MRRF: variants seen among roughly 807,000 people sequenced by gnomAD.
MRRF encodes ribosome-recycling factor, mitochondrial.
Under a neutral mutation model 25.1 loss-of-function variants are expected in MRRF, and 18 were observed. The observed-to-expected ratio is 0.72, with a 90% confidence interval of 0.50 to 1.06. The LOEUF (loss-of-function observed/expected upper bound fraction) is 1.06. Among genes scored for constraint, MRRF ranks in the 50% least tolerant of loss-of-function variants. The probability of loss-of-function intolerance (pLI) is 0.00; values close to 1 mark genes in which losing one functional copy is unlikely to be tolerated. For missense variants in MRRF, 323 were observed against 319.3 expected, an observed-to-expected ratio of 1.01 and a Z score of -0.09; for synonymous variants, 113 against 112.1, an observed-to-expected ratio of 1.01 and a Z score of -0.05.
In MRRF at chr9:122,285,204, G is replaced by A. The variant is rs759733553; in HGVS notation, c.376G>A (p.Gly126Arg). The A allele has an allele frequency of 6.8e-6, 11 of 1,613,750 alleles. No homozygotes were observed. Among genetic ancestry groups the A allele is most frequent in the Non-Finnish European group, 4.2e-6 (5 of 1,179,812 alleles). ...CAAGATTGCTGTGGTAACTGCTGAC[G>A]GGAAGCTTGCTTTAAACCAGATTAG... ...LDKIAVVTAD[G>R]KLALNQISQI... The change falls in exon 4 of 7, where the codon GGG becomes AGG. Residue 126 changes from glycine (G) to arginine (R), a missense_variant. Gly to Arg is a moderately radical substitution (Grantham distance 125). Coordinates refer to ENST00000344641, the MANE Select transcript of MRRF (RefSeq NM_138777.5).
At chr9:122,282,301 T>C (rs1368123329) in intron 3 of MRRF, among the ~76,000 whole-genome samples, 1 of 152,276 alleles carries the variant, frequency 6.6e-6, no homozygotes, top group African/African-American at 2.4e-5. Flanking sequence ...TATTTGTTTA[T>C]TCATTGTTGT....
chr9:122,289,133 T>G (rs531721045), intron 4 of MRRF, among the ~76,000 whole-genome samples: 1 of 152,350 alleles, frequency 6.6e-6, no homozygotes, highest in Non-Finnish European at 1.5e-5. Context: ...CATGTAGAAT[T>G]CAGTAGGTTT....
At chr9:122,286,338 G>C (rs1235594223) in intron 4 of MRRF, among the ~76,000 whole-genome samples, 2 of 152,196 alleles carry the variant, frequency 1.3e-5, no homozygotes, top group South Asian at 2.1e-4. Context: ...TAATGGGCCA[G>C]GCACACCTGT....
At chr9:122,306,490 A>G (rs2118916226) in intron 5 of MRRF, among the ~76,000 whole-genome samples, 1 of 152,308 alleles carries the variant, frequency 6.6e-6, no homozygotes, top group Admixed American at 6.5e-5. Context: ...CAGGGCCACA[A>G]AGCTAAAAAC....
chr9:122,285,651 A>G lies in MRRF; in HGVS notation c.459+364A>G, dbSNP rs12005662. ...CTCCTGCTGATCATTGCCAGGCACA[A>G]TGTAGGCCTGGTAATCAGTGTTACC... On this transcript the variant is annotated intron_variant, in intron 4 of 6. Coordinates refer to ENST00000344641, the MANE Select transcript of MRRF (RefSeq NM_138777.5). The G allele has an allele frequency of 1.9e-3, 1,358 of 722,028 alleles. 16 individuals carry two copies. The African/African-American group carries it at 0.023, about 12-fold the overall frequency. 44.7% of individuals were successfully genotyped at this position (722,028 alleles called of 1,614,324 possible). A position where few individuals can be genotyped will look rare whatever the true frequency, so the allele number is the denominator to read the frequency against.
At chr9:122,269,519 G>A (rs1198489740) in intron 1 of MRRF, among the ~76,000 whole-genome samples, 1 of 152,008 alleles carries the variant, frequency 6.6e-6, no homozygotes, top group East Asian at 1.9e-4. Context: ...GAGCCCAGGA[G>A]TTCAAGACCA....
intron 5 of MRRF, among the ~76,000 whole-genome samples, chr9:122,302,452 A>G (rs1422676971): frequency 6.6e-6 from 1 of 152,176 alleles, no homozygotes; most frequent in Non-Finnish European, 1.5e-5. Context: ...GTGGAGTCAC[A>G]CGATATGTGG....
chr9:122,304,754 G>A (rs559151419), intron 5 of MRRF, among the ~76,000 whole-genome samples: 1 of 152,244 alleles, frequency 6.6e-6, no homozygotes, highest in Non-Finnish European at 1.5e-5. Flanking sequence ...GTCTTAATGT[G>A]AGAGTAGTAC....
chr9:122,291,658 C>CAGA, intron 4 of MRRF, 91 bp from the exon 5 acceptor site: 1 of 889,978 alleles, frequency 1.1e-6, no homozygotes, highest in South Asian at 1.3e-5. Context: ...TTTCCATGTT[C>CAGA]TGCCAAGATG....
intron 6 of MRRF, among the ~76,000 whole-genome samples, chr9:122,319,372 G>A (rs1330901413): frequency 2.0e-5 from 3 of 151,942 alleles, no homozygotes; most frequent in South Asian, 2.1e-4. Context: ...GGATGGTCTC[G>A]ATCTCCTGAC....
intron 5 of MRRF, among the ~76,000 whole-genome samples, chr9:122,294,148 A>G (rs562219240): frequency 9.8e-5 from 15 of 152,286 alleles, no homozygotes; most frequent in Admixed American, 7.2e-4. Flanking sequence ...CACATGTCAG[A>G]TGAAGGGGTT....
intron 5 of MRRF, among the ~76,000 whole-genome samples, chr9:122,294,235 A>G (rs1719144914): frequency 6.6e-6 from 1 of 152,160 alleles, no homozygotes; most frequent in African/African-American, 2.4e-5. Flanking sequence ...CTAAATGCTC[A>G]TTGCTGATTT....
chr9:122,284,685 C>G (rs1833275820), intron 3 of MRRF, among the ~76,000 whole-genome samples: 1 of 152,202 alleles, frequency 6.6e-6, no homozygotes, highest in Non-Finnish European at 1.5e-5. Flanking sequence ...TTAGTTCTGT[C>G]AACATTTCAA....
intron 3 of MRRF, among the ~76,000 whole-genome samples, chr9:122,283,873 C>T (rs1313331753): frequency 6.6e-6 from 1 of 152,090 alleles, no homozygotes; most frequent in Non-Finnish European, 1.5e-5. Flanking sequence ...TATTGCTTGC[C>T]TTCTTGCCAT....
intron 2 of MRRF, among the ~76,000 whole-genome samples, chr9:122,275,020 ATGC>A (rs982815769): frequency 9.3e-5 from 14 of 149,824 alleles, no homozygotes; most frequent in African/African-American, 2.4e-4. Flanking sequence ...TATAAACATG[ATGC>A]TTTGATATAC....
At chr9:122,265,761 A>C in intron 1 of MRRF, 1 of 1,289,072 alleles carries the variant, frequency 7.8e-7, no homozygotes, top group South Asian at 1.2e-5. Flanking sequence ...TCTAAATGGC[A>C]GATGGCAGGG....
chr9:122,326,483 A>G lies in MRRF; in HGVS notation c.*3866A>G, dbSNP rs966373794. 4 of 152,132 alleles carry G rather than the reference A, an allele frequency of 2.6e-5. No individual in the cohort carries two copies. The highest frequency in any genetic ancestry group is 9.7e-5 in the African/African-American group (4 of 41,432). 9.4% of individuals were successfully genotyped at this position (152,132 alleles called of 1,614,324 possible). Reference sequence around the variant, plus strand: ...TTGCTTTTTTTTCTTACCCTGTAACAATCATGGTCATCTGTCCATGTGTGT... The same window carrying G: ...TTGCTTTTTTTTCTTACCCTGTAACGATCATGGTCATCTGTCCATGTGTGT... On this transcript the variant is annotated 3_prime_UTR_variant, in exon 7 of 7. Coordinates refer to ENST00000344641, the MANE Select transcript of MRRF (RefSeq NM_138777.5).
At chr9:122,318,164 C>T (rs1011536098) in intron 6 of MRRF, among the ~76,000 whole-genome samples, 1 of 152,060 alleles carries the variant, frequency 6.6e-6, no homozygotes, top group East Asian at 1.9e-4. Flanking sequence ...TGAAATGATT[C>T]ATTTGTAGGT....
chr9:122,316,134 A>G (rs1010619957), intron 6 of MRRF, among the ~76,000 whole-genome samples: 1 of 152,240 alleles, frequency 6.6e-6, no homozygotes, highest in African/African-American at 2.4e-5. Context: ...CATACAATTT[A>G]TATGATACGA....
Sources: allele counts gnomAD v4.1 joint callset (sites outside exome capture counted in the v4.1 genomes callset), GRCh38; gene constraint gnomAD v4.1.1; transcripts MANE v1.5; gene names NCBI Gene and HGNC (gene_info 2026-07-23, HGNC 2026-07-21).